Variants in GMEB2 observed in about 807,000 individuals in gnomAD.
GMEB2 encodes glucocorticoid modulatory element-binding protein 2.
Under a neutral mutation model 45.7 loss-of-function variants are expected in GMEB2, and 7 were observed. The observed-to-expected ratio is 0.15, with a 90% CI of 0.09 to 0.29. The LOEUF (loss-of-function observed/expected upper bound fraction) is 0.29. Among genes scored for constraint, GMEB2 ranks in the 10% least tolerant of loss-of-function variants. The pLI, the probability that GMEB2 is intolerant of heterozygous loss-of-function variation, is 1.00. For missense variants in GMEB2, 582 were observed against 739.2 expected (o/e 0.79, Z 2.47); for synonymous variants, 322 against 323.6 (o/e 1.00, Z 0.05).
chr20:63,623,830 G>C (rs559221185), intron 1 of GMEB2, among the ~76,000 whole-genome samples: 201 of 151,880 alleles, frequency 1.3e-3, no homozygotes, highest in African/African-American at 4.4e-3. Flanking sequence ...ATTTTACTCA[G>C]GCCAGGTGTG....
intron 4 of GMEB2, among the ~76,000 whole-genome samples, chr20:63,600,564 A>G (rs1033028433): frequency 1.3e-5 from 2 of 151,504 alleles, no homozygotes; most frequent in African/African-American, 4.8e-5. Flanking sequence ...CTAAAAATAC[A>G]AAAATCAGCC....
Position 63,601,537 on chromosome 20 carries a change from C to CTT in GMEB2, c.357+1426_357+1427dup, listed in dbSNP as rs34916384. 6.7e-3 allele frequency among the ~76,000 whole-genome samples: 977 copies of CTT among 145,038 alleles called. 9 individuals carry two copies. The highest frequency in any genetic ancestry group is 0.021 in the African/African-American group (823 of 39,356). ...TTATGCTTTACTCATGCTCTCTTTT[C>CTT]TTTTTTTTTTTTTTAAGAAGAAACT... On this transcript the variant is annotated intron_variant, in intron 4 of 9. Coordinates refer to ENST00000370077, the MANE Select transcript of GMEB2 (RefSeq NM_012384.5).
At chr20:63,595,268 G>A (rs1569048904) in intron 6 of GMEB2, among the ~76,000 whole-genome samples, 1 of 147,060 alleles carries the variant, frequency 6.8e-6, no homozygotes, top group African/African-American at 2.5e-5. Context: ...CAGATTTGGG[G>A]CTGGGCCGTG....
At chr20:63,604,565 T>G (rs1289308724) in intron 3 of GMEB2, among the ~76,000 whole-genome samples, 178 bp downstream of exon 3, 2 of 152,172 alleles carry the variant, frequency 1.3e-5, no homozygotes, top group African/African-American at 2.4e-5. Flanking sequence ...TACAGACACA[T>G]GGCAGGTTCC....
At chr20:63,626,102 G>C (rs1371299195) in intron 1 of GMEB2, among the ~76,000 whole-genome samples, 1 of 151,962 alleles carries the variant, frequency 6.6e-6, no homozygotes, top group South Asian at 2.1e-4. Flanking sequence ...AATCAGCTCC[G>C]ACCAACAGGG....
chr20:63,617,266 G>A (rs925698178), intron 2 of GMEB2, among the ~76,000 whole-genome samples: 6 of 152,072 alleles, frequency 3.9e-5, no homozygotes, highest in Non-Finnish European at 5.9e-5. Flanking sequence ...ATGAGCCACC[G>A]CGCCTGGCCG....
intron 6 of GMEB2, among the ~76,000 whole-genome samples, chr20:63,595,197 C>T (rs974634952): frequency 1.4e-5 from 2 of 144,184 alleles, no homozygotes; most frequent in African/African-American, 2.6e-5. Flanking sequence ...GCACCCAGCA[C>T]GGAAGGCGGG....
rs964783354 is a variant in GMEB2 at position 63,604,917 on chromosome 20, G to A, written c.132-77C>T. The stretch of plus-strand genomic sequence containing the variant: ...CCTGCAGGGCACTATTTTCCTGACA[G>A]CGCTTTGCTGACCTGTTACACTCTT... On this transcript the variant is annotated intron_variant, in intron 2 of 9. Transcript: ENST00000370077. 8 of 836,524 alleles carry A rather than the reference G, an allele frequency of 9.6e-6. No homozygotes were observed. In the African/African-American group the frequency reaches 1.3e-4, roughly 14 times the overall value. 51.8% of individuals were successfully genotyped at this position (836,524 alleles called of 1,614,324 possible).
chr20:63,622,401 C>T (rs1422479057), intron 1 of GMEB2, among the ~76,000 whole-genome samples: 2 of 152,220 alleles, frequency 1.3e-5, no homozygotes, highest in Non-Finnish European at 2.9e-5. Context: ...CCAAACTGAA[C>T]AATCGATCAC....
chr20:63,618,711 C>T (rs375046182), intron 2 of GMEB2, among the ~76,000 whole-genome samples: 7 of 152,208 alleles, frequency 4.6e-5, no homozygotes, highest in African/African-American at 1.4e-4. Flanking sequence ...TGGGACTGCC[C>T]GGGGCTGACT....
rs563582181 is a variant in GMEB2, at chr20:63,592,726, C to T, written c.692-56G>A. ...GGGAAAGTGCTGCTACACGGGGCAG[C>T]CACCACAGCCACAAGGACATCACCA... On this transcript the variant is annotated intron_variant, in intron 7 of 9. Transcript: ENST00000370077. The surrounding 1 kb of genome is among the most constrained non-coding windows in gnomAD (Gnocchi z 8.2). 1.4e-6 allele frequency: 2 copies of T among 1,427,508 alleles called. No individual in the cohort carries two copies. The highest frequency in any genetic ancestry group is 9.8e-7 in the Non-Finnish European group (1 of 1,016,444). The allele number at this position is 1,427,508 out of a possible 1,614,324, so 88.4% of individuals were successfully genotyped here.
In GMEB2 at chr20:63,619,393, G is replaced by A. The variant is rs746050188; in HGVS notation, c.5C>T (p.Ala2Val). ...CATGTGCACACTCACGTCGGGAGTC[G>A]CCATGGCTCAGCGGAAGGGGACGCC... M[A>V]TPDVSVHMEE... The change falls in exon 2 of 10, where the codon GCG becomes GTG. Residue 2 changes from alanine to valine, a missense_variant. Around this residue, in one of 3 missense-constraint regions of GMEB2, gnomAD observed 114 missense variants for 123.4 expected, o/e 0.92. Coordinates refer to ENST00000370077, the MANE Select transcript of GMEB2 (RefSeq NM_012384.5). This position sits in a 1 kb window ranked among gnomAD's most constrained non-coding sequence, Gnocchi z 4.6. The A allele has an allele frequency of 3.1e-6, 5 of 1,610,272 alleles. No individual in the cohort carries two copies. The highest frequency in any genetic ancestry group is 1.7e-5 in the Admixed American group (1 of 59,962).
intron 3 of GMEB2, among the ~76,000 whole-genome samples, chr20:63,603,666 C>T (rs145829468): frequency 0.02 from 2,974 of 150,988 alleles, 51 homozygotes; most frequent in Non-Finnish European, 0.028. Flanking sequence ...GGCATGAACC[C>T]GGGAGGTGGA....
chr20:63,604,451 G>A (rs556050437), intron 3 of GMEB2, among the ~76,000 whole-genome samples: 1 of 152,288 alleles, frequency 6.6e-6, no homozygotes, highest in Admixed American at 6.5e-5. Context: ...CAAGAGTACT[G>A]AAACAGTGAG....
chr20:63,615,536 G>A (rs1026489826), intron 2 of GMEB2, among the ~76,000 whole-genome samples: 2 of 151,948 alleles, frequency 1.3e-5, no homozygotes, highest in African/African-American at 2.4e-5. Context: ...TATGTTGCTC[G>A]GGCTGGTCTC....
intron 2 of GMEB2, among the ~76,000 whole-genome samples, chr20:63,610,348 C>T (rs549109234): frequency 3.3e-5 from 5 of 152,152 alleles, no homozygotes; most frequent in Admixed American, 6.5e-5. Context: ...GGTGAAACCC[C>T]GTCTCTACTA....
At chr20:63,624,738 C>G (rs1157706744) in intron 1 of GMEB2, among the ~76,000 whole-genome samples, 1 of 152,220 alleles carries the variant, frequency 6.6e-6, no homozygotes, top group Admixed American at 6.5e-5. Flanking sequence ...GACGGAGTCT[C>G]GCTCTGTAGC....
intron 2 of GMEB2, among the ~76,000 whole-genome samples, chr20:63,615,987 G>A (rs1296264178): frequency 6.6e-6 from 1 of 152,056 alleles, no homozygotes; most frequent in Admixed American, 6.5e-5. Context: ...GTAGTAATAT[G>A]GCCTTTTTGA....
intron 5 of GMEB2, 33 bp from the exon 6 acceptor site, chr20:63,595,800 C>T (rs536740672): frequency 1.5e-5 from 24 of 1,608,780 alleles, no homozygotes; most frequent in Middle Eastern, 3.3e-4. Flanking sequence ...GCGTCCAGGT[C>T]GGCCCCAGAG....
Sources: allele counts gnomAD v4.1 joint callset (sites outside exome capture counted in the v4.1 genomes callset), GRCh38; gene constraint gnomAD v4.1.1; regional missense constraint gnomAD v4.1.1; non-coding constraint Gnocchi (gnomAD v3.1); transcripts MANE v1.5; gene names NCBI Gene and HGNC (gene_info 2026-07-23, HGNC 2026-07-21).